Variants in RPS6KA2 observed in about 807,000 individuals in gnomAD.
The protein encoded by RPS6KA2 is ribosomal protein S6 kinase A2, also known as ribosomal protein S6 kinase alpha-2.
A neutral mutation model predicts 91.8 loss-of-function variants in RPS6KA2; 42 were observed. The ratio of observed to expected loss-of-function variants is 0.46; its 90% CI spans 0.36 to 0.59. The LOEUF (loss-of-function observed/expected upper bound fraction) is 0.59. Ranked by LOEUF, RPS6KA2 falls within the 20% of genes least tolerant of loss-of-function variation. The pLI is 0.00. For synonymous variants in RPS6KA2, 414 were observed against 393.6 expected, an observed-to-expected ratio of 1.05 and a Z score of -0.61; for missense variants, 798 against 978.5, an observed-to-expected ratio of 0.82 and a Z score of 2.46.
At position 166,807,239 on chromosome 6, in the gene RPS6KA2, C is replaced by A. The variant is rs948305601; in HGVS notation, c.123+50961G>T. On this transcript the variant is annotated intron_variant, in intron 2 of 21. Coordinates refer to the RPS6KA2 transcript ENST00000503859. ...ATAAAAAAGACATTTAGACATGTGG[C>A]TAAATTTAATCATCCATCCTCAGTT... Among the ~76,000 whole-genome samples, 77 of 152,144 alleles carry A rather than the reference C, an allele frequency of 5.1e-4. 1 individual carries two copies. Among genetic ancestry groups the A allele is most frequent in the Non-Finnish European group, 1.0e-4 (7 of 68,012 alleles).
chr6:166,420,023 T>C (rs531243154), intron 17 of RPS6KA2, 65 bp from the exon 18 acceptor site: 23 of 1,478,242 alleles, frequency 1.6e-5, no homozygotes, highest in Middle Eastern at 3.5e-4. Flanking sequence ...ACAGCACGTT[T>C]CTCCAGCGGC....
Position 166,418,175 on chromosome 6 carries a change from G to A in RPS6KA2, c.1938+50C>T. On this transcript the variant is annotated intron_variant, in intron 19 of 20. Coordinates refer to ENST00000265678, the MANE Select transcript of RPS6KA2 (RefSeq NM_021135.6). The surrounding 1 kb of genome is among the most constrained non-coding windows in gnomAD (Gnocchi z 4.9). ...CCCTGGCTTCCTCAGAAATCATATG[G>A]CTATTTCAGAATCTGAATATTTAAA... The A allele has an allele frequency of 8.3e-7, 1 of 1,206,850 alleles. No homozygotes were observed. The highest frequency in any genetic ancestry group is 1.2e-6 in the Non-Finnish European group (1 of 820,666). 74.8% of individuals were successfully genotyped at this position (1,206,850 alleles called of 1,614,324 possible).
At chr6:166,827,315 A>G (rs1780074859) in intron 2 of RPS6KA2, among the ~76,000 whole-genome samples, 1 of 150,712 alleles carries the variant, frequency 6.6e-6, no homozygotes, top group South Asian at 2.1e-4. Context: ...CTGCCCCGAA[A>G]CTGCCTGTCC....
intron 3 of RPS6KA2, among the ~76,000 whole-genome samples, chr6:166,529,067 C>G (rs1783164658): frequency 6.6e-6 from 1 of 152,206 alleles, no homozygotes; most frequent in African/African-American, 2.4e-5. Flanking sequence ...CATCCCATTA[C>G]TGGGTATATA....
rs1389384141 is a variant in RPS6KA2 at position 166,733,654 on chromosome 6, C to A, written c.123+124546G>T. 6.6e-6 allele frequency among the ~76,000 whole-genome samples: 1 copy of A among 152,178 alleles called. No individual in the cohort carries two copies. Among genetic ancestry groups the A allele is most frequent in the East Asian group, 1.9e-4 (1 of 5,198 alleles). The stretch of plus-strand genomic sequence containing the variant: ...GGTTTGGTAACACGGAGGTCACTAG[C>A]ATCCCTCGTGGACAGTTTCCATGGA... On this transcript the variant is annotated intron_variant, in intron 2 of 21. Transcript: ENST00000503859. The surrounding 1 kb of genome is among the most constrained non-coding windows in gnomAD (Gnocchi z 4.1).
chr6:166,761,712 C>T (rs958117309), intron 2 of RPS6KA2, among the ~76,000 whole-genome samples: 15 of 152,154 alleles, frequency 9.9e-5, no homozygotes, highest in African/African-American at 2.9e-4. Flanking sequence ...GAGAATCAGA[C>T]GGATGATTTT....
At chr6:166,608,466 GA>G (rs1001471817) in intron 1 of RPS6KA2, among the ~76,000 whole-genome samples, 14 of 149,834 alleles carry the variant, frequency 9.3e-5, no homozygotes, top group East Asian at 3.9e-4. Flanking sequence ...ATCGGCGCAT[GA>G]AAAAAAAAAT....
intron 2 of RPS6KA2, chr6:166,701,960 C>T (rs66759203): frequency 0.16 from 169,739 of 1,052,226 alleles, 14,538 homozygotes; most frequent in Admixed American, 0.17. Flanking sequence ...ACCAATAAGA[C>T]GGCCAACAAA....
chr6:166,697,836 G>T (rs1271463048), intron 2 of RPS6KA2, among the ~76,000 whole-genome samples: 1 of 152,186 alleles, frequency 6.6e-6, no homozygotes, highest in African/African-American at 2.4e-5. Context: ...CCGTTCCCTC[G>T]ACTGGAACAG....
intron 6 of RPS6KA2, among the ~76,000 whole-genome samples, chr6:166,501,869 A>G (rs927063346): frequency 3.7e-4 from 57 of 152,354 alleles, no homozygotes; most frequent in African/African-American, 1.4e-3. Flanking sequence ...AATCTGTGAT[A>G]CCTTTATAGA....
In RPS6KA2 at chr6:166,419,876, G is replaced by A; in HGVS notation, c.1820+6C>T. 1 of 1,612,892 alleles carries A rather than the reference G, an allele frequency of 6.2e-7. No individual in the cohort carries two copies. Among genetic ancestry groups the A allele is most frequent in the Middle Eastern group, 1.7e-4 (1 of 6,052 alleles). ...CTCCTGACACCTGTTTGAGGTGACT[G>A]CTTACCCTGCCAGCATGGTGTACAA... On this transcript the variant is annotated splice_donor_region_variant and intron_variant, in intron 18 of 20. Transcript: ENST00000265678. This position sits in a 1 kb window ranked among gnomAD's most constrained non-coding sequence, Gnocchi z 5.6.
At chr6:166,447,693 A>ATT in intron 14 of RPS6KA2, among the ~76,000 whole-genome samples, 1 of 152,336 alleles carries the variant, frequency 6.6e-6, no homozygotes. Context: ...ATTTTGAACA[A>ATT]TCTCTTCAGA....
chr6:166,615,492 G>A (rs1195941149), intron 1 of RPS6KA2, among the ~76,000 whole-genome samples: 2 of 152,164 alleles, frequency 1.3e-5, no homozygotes, highest in African/African-American at 4.8e-5. Context: ...GGAAGCAGTG[G>A]ACAAAGGCCA....
chr6:166,817,207 C>T (rs997584742), intron 2 of RPS6KA2, among the ~76,000 whole-genome samples: 1 of 152,192 alleles, frequency 6.6e-6, no homozygotes, highest in Non-Finnish European at 1.5e-5. Context: ...GCTGCTCCCC[C>T]CTTAGCACCA....
intron 1 of RPS6KA2, among the ~76,000 whole-genome samples, chr6:166,592,493 G>T (rs535428907): frequency 1.3e-5 from 2 of 152,202 alleles, no homozygotes; most frequent in Non-Finnish European, 2.9e-5. Flanking sequence ...AATAAGTGAG[G>T]AGCTGGAATG....
rs1778336786 is a variant in RPS6KA2, at chr6:166,412,405, G to C, written c.*357C>G. 6.2e-6 allele frequency: 1 copy of C among 160,588 alleles called. No individual in the cohort carries two copies. Among genetic ancestry groups the C allele is most frequent in the South Asian group, 1.8e-4 (1 of 5,440 alleles). 9.9% of individuals were successfully genotyped at this position (160,588 alleles called of 1,614,324 possible). On this transcript the variant is annotated 3_prime_UTR_variant, in exon 21 of 21. Coordinates refer to ENST00000265678, the MANE Select transcript of RPS6KA2 (RefSeq NM_021135.6). This position sits in a 1 kb window ranked among gnomAD's most constrained non-coding sequence, Gnocchi z 4.3. ...TGGGTGTCGGGAGTCTGACCAAACC[G>C]ACCGGCTTCATAATTGGAAAACAGA... is the stretch of plus-strand genomic sequence containing the variant.
intron 3 of RPS6KA2, among the ~76,000 whole-genome samples, chr6:166,524,455 G>A (rs943004517): frequency 3.3e-5 from 5 of 151,932 alleles, no homozygotes; most frequent in Non-Finnish European, 2.9e-5. Context: ...TGCAGGCACC[G>A]GCCATCTTTA....
chr6:166,470,606 T>G (rs928212815), intron 10 of RPS6KA2, among the ~76,000 whole-genome samples: 20 of 152,190 alleles, frequency 1.3e-4, no homozygotes, highest in African/African-American at 4.8e-4. Flanking sequence ...TCAGGCAGCA[T>G]GATTCCCTAA....
intron 14 of RPS6KA2, among the ~76,000 whole-genome samples, chr6:166,439,069 C>T (rs1329986603): frequency 6.6e-6 from 1 of 151,316 alleles, no homozygotes; most frequent in Admixed American, 6.6e-5. Flanking sequence ...TGAAGGAAAG[C>T]TCCTGATTCA....
Sources: allele counts gnomAD v4.1 joint callset (sites outside exome capture counted in the v4.1 genomes callset), GRCh38; gene constraint gnomAD v4.1.1; non-coding constraint Gnocchi (gnomAD v3.1); transcripts MANE v1.5; gene names NCBI Gene and HGNC (gene_info 2026-07-23, HGNC 2026-07-21).